Variants in TNS1 observed in about 807,000 individuals in gnomAD.
TNS1 encodes the protein tensin 1, also known as tensin-1.
Under a neutral mutation model 168.6 loss-of-function variants are expected in TNS1, and 62 were observed. The observed-to-expected ratio is 0.37, with a 90% CI of 0.30 to 0.45. TNS1 has a LOEUF of 0.45. Among genes scored for constraint, TNS1 ranks in the 20% least tolerant of loss-of-function variants. The pLI is 1.00. For missense variants in TNS1, 2,240 were observed against 2,339.4 expected (o/e 0.96, Z 0.88); for synonymous variants, 934 against 933.2 (o/e 1.00, Z -0.02).
intron 3 of TNS1, among the ~76,000 whole-genome samples, chr2:217,976,470 G>C (rs1202895150): frequency 2.6e-5 from 4 of 152,238 alleles, no homozygotes; most frequent in Non-Finnish European, 5.9e-5. Context: ...CTCACCACCA[G>C]TGGGTCCCAT....
intron 1 of TNS1, among the ~76,000 whole-genome samples, chr2:218,021,433 C>T (rs1475039898): frequency 1.3e-5 from 2 of 152,154 alleles, no homozygotes; most frequent in East Asian, 3.9e-4. Context: ...CCCCACCTTC[C>T]AGGTAGGAAA....
rs1427328189 is a variant in TNS1, at chr2:217,803,658, G to A, written c.*801C>T. On this transcript the variant is annotated 3_prime_UTR_variant, in exon 33 of 33. Transcript: ENST00000682258. ...GAAGAGAAGGGTCTGGCGGCACCCA[G>A]GGTCACTAGAGTGCAGGTGCAGGCA... 6.6e-6 allele frequency: 1 copy of A among 152,668 alleles called. No homozygotes were observed. Among genetic ancestry groups the A allele is most frequent in the Non-Finnish European group, 1.5e-5 (1 of 68,072 alleles). 9.5% of individuals were successfully genotyped at this position (152,668 alleles called of 1,614,324 possible). A position where few individuals can be genotyped will look rare whatever the true frequency, so the allele number is the denominator to read the frequency against.
In TNS1 at chr2:217,810,267, G is replaced by C; in HGVS notation, c.5085C>G (p.Asp1695Glu). The change falls in exon 29 of 33, where the codon GAC becomes GAG. Residue 1695 changes from aspartate (D) to glutamate (E), a missense_variant. Transcript: ENST00000682258. ...DSSGPANSTA[D>E]LLKQGAACNV... is the part of the protein sequence containing the mutation. ...ACTCACCTGCCCCTTGTTTCAGCAG[G>C]TCTGCAGTTGAGTTGGCAGGGCCGG... 1 of 1,614,128 alleles carries C rather than the reference G, an allele frequency of 6.2e-7. No individual in the cohort carries two copies. The highest frequency in any genetic ancestry group is 8.5e-7 in the Non-Finnish European group (1 of 1,180,024).
At chr2:217,998,254 G>A (rs569850371) in intron 1 of TNS1, among the ~76,000 whole-genome samples, 1 of 129,002 alleles carries the variant, frequency 7.8e-6, no homozygotes, top group South Asian at 2.6e-4. Flanking sequence ...TCCTGAGCGA[G>A]ATGAGTTCTC....
intron 18 of TNS1, among the ~76,000 whole-genome samples, chr2:217,855,556 A>ATC (rs3838562): frequency 0.054 from 8,029 of 147,492 alleles, 618 homozygotes; most frequent in African/African-American, 0.18. Flanking sequence ...AAGAGCCTTT[A>ATC]TCTCTCTCTC....
At chr2:217,820,446 T>C (rs529706244) in intron 23 of TNS1, among the ~76,000 whole-genome samples, 3 of 152,270 alleles carry the variant, frequency 2.0e-5, no homozygotes, top group South Asian at 2.1e-4. Context: ...CAGAAGACAG[T>C]TGCCTCTGCT....
intron 3 of TNS1, among the ~76,000 whole-genome samples, chr2:217,958,123 T>C (rs1179385527): frequency 1.3e-5 from 2 of 152,192 alleles, no homozygotes; most frequent in Non-Finnish European, 2.9e-5. Context: ...TTAATATTTA[T>C]GTATTTCAAG....
At chr2:218,014,310 G>A (rs560180187), upstream of TNS1, among the ~76,000 whole-genome samples, 61 of 152,168 alleles carry the variant, frequency 4.0e-4, no homozygotes, top group Middle Eastern at 6.8e-3. Flanking sequence ...TCCCCCACCC[G>A]CTGGAGAGAT....
Position 217,818,470 on chromosome 2 carries a change from T to C in TNS1, c.3862A>G (p.Thr1288Ala), listed in dbSNP as rs1942284262. 1.2e-6 allele frequency: 2 copies of C among 1,614,216 alleles called. No individual in the cohort carries two copies. Among genetic ancestry groups the C allele is most frequent in the African/African-American group, 1.3e-5 (1 of 75,054 alleles). Residue 1288 changes from threonine (T) to alanine (A), a missense_variant, in exon 24 of 33, where the codon ACA becomes GCA. Around this residue, in one of 2 missense-constraint regions of TNS1, gnomAD observed 2,131 missense variants for 2,171.2 expected, o/e 0.98. Coordinates refer to ENST00000682258, the MANE Select transcript of TNS1 (RefSeq NM_001387777.1). ...VPGSPQARHR[T>A]VGTNTPPSPG... ...CTAGGGGGAGTGTTGGTGCCCACTG[T>C]TCTGTGGCGCGCCTGAGGGCTCCCA... is the stretch of plus-strand genomic sequence containing the variant.
chr2:217,903,221 G>A lies in TNS1; in HGVS notation c.322-2709C>T, dbSNP rs547058349. 1.3e-3 allele frequency among the ~76,000 whole-genome samples: 202 copies of A among 152,064 alleles called. 3 individuals carry two copies. Among genetic ancestry groups the A allele is most frequent in the African/African-American group, 4.7e-3 (195 of 41,490 alleles). On this transcript the variant is annotated intron_variant, in intron 6 of 32. Transcript: ENST00000682258. The stretch of plus-strand genomic sequence containing the variant: ...TGCCCAGCCATGTTCTAGACACCAG[G>A]GGACAAAGGAAGTGAAGTCCCTGAC...
intron 18 of TNS1, among the ~76,000 whole-genome samples, chr2:217,861,524 G>A (rs1948782979): frequency 1.3e-5 from 2 of 152,186 alleles, no homozygotes; most frequent in African/African-American, 4.8e-5. Flanking sequence ...TGTTAATGCA[G>A]CCTAAGATTA....
At chr2:217,896,445 C>T (rs1226547467) in intron 8 of TNS1, among the ~76,000 whole-genome samples, 1 of 152,140 alleles carries the variant, frequency 6.6e-6, no homozygotes, top group Non-Finnish European at 1.5e-5. Context: ...AGAAGACACA[C>T]AGAGAGACAC....
At chr2:218,031,731 A>C (rs1958901795) in intron 1 of TNS1, among the ~76,000 whole-genome samples, 1 of 152,194 alleles carries the variant, frequency 6.6e-6, no homozygotes, top group Non-Finnish European at 1.5e-5. Context: ...CATCCAACCC[A>C]TGGGGGAGGG....
intron 2 of TNS1, among the ~76,000 whole-genome samples, chr2:217,984,007 C>T (rs747800996): frequency 2.0e-5 from 3 of 152,126 alleles, no homozygotes; most frequent in African/African-American, 7.2e-5. Flanking sequence ...TTAGGTGGGC[C>T]TCATCCAATC....
At chr2:217,918,839 CCCCCCAG>C (rs1388560725) in intron 4 of TNS1, among the ~76,000 whole-genome samples, 1 of 151,930 alleles carries the variant, frequency 6.6e-6, no homozygotes, top group African/African-American at 2.4e-5. Flanking sequence ...CTGCACTCCA[CCCCCCAG>C]CCCCCGCTGT....
chr2:217,879,292 T>A, intron 18 of TNS1: 1 of 352,772 alleles, frequency 2.8e-6, no homozygotes. Context: ...ACAGTAAAAA[T>A]TCTTTCCAAT....
intron 18 of TNS1, among the ~76,000 whole-genome samples, chr2:217,853,436 A>G (rs1297071659): frequency 6.6e-6 from 1 of 152,094 alleles, no homozygotes; most frequent in Non-Finnish European, 1.5e-5. Flanking sequence ...AGGGGTCTGC[A>G]TGTTTGGGGG....
intron 4 of TNS1, among the ~76,000 whole-genome samples, chr2:217,914,354 C>T (rs1954765460): frequency 6.6e-6 from 1 of 152,224 alleles, no homozygotes; most frequent in African/African-American, 2.4e-5. Flanking sequence ...ATGCCTGGAC[C>T]TCTGTGGATC....
chr2:218,009,212 A>T (rs1366304409), intron 1 of TNS1, among the ~76,000 whole-genome samples: 1 of 152,122 alleles, frequency 6.6e-6, no homozygotes, highest in East Asian at 1.9e-4. Context: ...AGTCCCTGGG[A>T]TCCTTCCCCT....
Sources: allele counts gnomAD v4.1 joint callset (sites outside exome capture counted in the v4.1 genomes callset), GRCh38; gene constraint gnomAD v4.1.1; regional missense constraint gnomAD v4.1.1; transcripts MANE v1.5; gene names NCBI Gene and HGNC (gene_info 2026-07-23, HGNC 2026-07-21).